Variants in HS6ST3 observed in about 807,000 individuals in gnomAD.
The protein encoded by HS6ST3 is heparan-sulfate 6-O-sulfotransferase 3.
A neutral mutation model predicts 36.7 loss-of-function variants in HS6ST3; 12 were observed. The ratio of observed to expected loss-of-function variants is 0.33; its 90% confidence interval spans 0.21 to 0.53. The LOEUF is 0.53. Among genes scored for constraint, HS6ST3 ranks in the 20% least tolerant of loss-of-function variants. HS6ST3 has a pLI of 0.95. For synonymous variants in HS6ST3, 240 were observed against 257.5 expected (o/e 0.93, Z 0.65); for missense variants, 584 against 640.9 (o/e 0.91, Z 0.96).
chr13:96,236,282 G>T (rs977461708), intron 1 of HS6ST3, among the ~76,000 whole-genome samples: 2 of 152,054 alleles, frequency 1.3e-5, no homozygotes, highest in Non-Finnish European at 2.9e-5. Context: ...AGCAACACCC[G>T]CACAGACGCA....
intron 1 of HS6ST3, among the ~76,000 whole-genome samples, chr13:96,338,566 C>G (rs1165267120): frequency 6.6e-6 from 1 of 152,186 alleles, no homozygotes; most frequent in Non-Finnish European, 1.5e-5. Context: ...ACAGACATTA[C>G]CAATATCTGT....
At chr13:96,318,611 C>T (rs560465104) in intron 1 of HS6ST3, among the ~76,000 whole-genome samples, 1 of 152,236 alleles carries the variant, frequency 6.6e-6, no homozygotes, top group East Asian at 1.9e-4. Flanking sequence ...CTGTATATGA[C>T]TAGCCAGCTA....
chr13:96,238,390 A>G (rs769783678), intron 1 of HS6ST3, among the ~76,000 whole-genome samples: 1 of 152,122 alleles, frequency 6.6e-6, no homozygotes, highest in Non-Finnish European at 1.5e-5. Context: ...TTCTTTTTTG[A>G]AGGCAAATCC....
intron 1 of HS6ST3, among the ~76,000 whole-genome samples, chr13:96,166,686 A>G (rs2054162165): frequency 6.7e-6 from 1 of 148,750 alleles, no homozygotes; most frequent in Admixed American, 6.8e-5. Context: ...TGCTGGGATT[A>G]TAGGCGTGAG....
chr13:96,714,678 T>C (rs1875647343), intron 1 of HS6ST3, among the ~76,000 whole-genome samples: 1 of 152,174 alleles, frequency 6.6e-6, no homozygotes. Flanking sequence ...TGTATATTGA[T>C]ACATAAGTAG....
At chr13:96,118,659 TATATATATATATATATATATATATA>T (rs2053906217) in intron 1 of HS6ST3, among the ~76,000 whole-genome samples, 1 of 3,388 alleles carries the variant, frequency 3.0e-4, no homozygotes, top group East Asian at 0.01. Context: ...TATATATATA[TATATATATATATATATATATATATA>T]TATATTTTTT....
At chr13:96,353,850 T>G (rs1188739233) in intron 1 of HS6ST3, among the ~76,000 whole-genome samples, 3 of 152,194 alleles carry the variant, frequency 2.0e-5, no homozygotes, top group African/African-American at 7.2e-5. Context: ...GTACTCAGCT[T>G]CGCATTTAAA....
chr13:96,364,785 A>C (rs2055255383), intron 1 of HS6ST3, among the ~76,000 whole-genome samples: 1 of 152,212 alleles, frequency 6.6e-6, no homozygotes, highest in African/African-American at 2.4e-5. Flanking sequence ...GTTTTACCAC[A>C]ATAAAAATAT....
At chr13:96,243,764 C>G (rs1172155894) in intron 1 of HS6ST3, among the ~76,000 whole-genome samples, 1 of 151,562 alleles carries the variant, frequency 6.6e-6, no homozygotes, top group East Asian at 1.9e-4. Flanking sequence ...TTAAATTTTC[C>G]CTGGGGTGCT....
At chr13:96,663,673 A>G (rs1358270265) in intron 1 of HS6ST3, among the ~76,000 whole-genome samples, 1 of 152,204 alleles carries the variant, frequency 6.6e-6, no homozygotes, top group Non-Finnish European at 1.5e-5. Context: ...GAATAGAAAT[A>G]TATGTTTGCA....
At chr13:96,325,586 T>C (rs979623275) in intron 1 of HS6ST3, among the ~76,000 whole-genome samples, 2 of 152,120 alleles carry the variant, frequency 1.3e-5, no homozygotes, top group Admixed American at 1.3e-4. Flanking sequence ...TGTGTGTAGA[T>C]TATATGCAAA....
chr13:96,613,774 G>T (rs1190974631), intron 1 of HS6ST3, among the ~76,000 whole-genome samples: 2 of 152,076 alleles, frequency 1.3e-5, no homozygotes, highest in Non-Finnish European at 2.9e-5. Context: ...CTTTCTTATG[G>T]TCATGGGCTG....
rs148835786 is a variant in HS6ST3, at chr13:96,245,985, G to T, written c.707+154416G>T. 1.1e-3 allele frequency among the ~76,000 whole-genome samples: 164 copies of T among 152,140 alleles called. 3 individuals carry two copies. Among genetic ancestry groups the T allele is most frequent in the Admixed American group, 7.3e-3 (112 of 15,280 alleles). ...TATTTTCTGCAAGTGTAAACAAACCGAATAGAGTTTTGGAAATGTTAAAAA... is the reference window on the plus strand; with the variant it reads ...TATTTTCTGCAAGTGTAAACAAACCTAATAGAGTTTTGGAAATGTTAAAAA... On this transcript the variant is annotated intron_variant, in intron 1 of 1. Coordinates refer to ENST00000376705, the MANE Select transcript of HS6ST3 (RefSeq NM_153456.4).
intron 1 of HS6ST3, among the ~76,000 whole-genome samples, chr13:96,115,705 T>A (rs776998106): frequency 6.6e-6 from 1 of 152,230 alleles, no homozygotes; most frequent in Non-Finnish European, 1.5e-5. Context: ...GCAGTGAACA[T>A]ACACATGCAA....
intron 1 of HS6ST3, among the ~76,000 whole-genome samples, chr13:96,796,470 T>A (rs1324877444): frequency 6.6e-6 from 1 of 152,122 alleles, no homozygotes; most frequent in Non-Finnish European, 1.5e-5. Context: ...CTGTTCAACT[T>A]AATGAAGTTT....
chr13:96,826,313 TA>T (rs1408039546), intron 1 of HS6ST3, among the ~76,000 whole-genome samples: 1 of 152,202 alleles, frequency 6.6e-6, no homozygotes, highest in African/African-American at 2.4e-5. Flanking sequence ...GGTATCAGTT[TA>T]GTTTTAGGAG....
chr13:96,394,689 G>A (rs1163340426), intron 1 of HS6ST3, among the ~76,000 whole-genome samples: 1 of 152,152 alleles, frequency 6.6e-6, no homozygotes, highest in Non-Finnish European at 1.5e-5. Context: ...TTGCAATAAA[G>A]AGCTTAGAAT....
chr13:96,641,391 G>A (rs2056569655), intron 1 of HS6ST3, among the ~76,000 whole-genome samples: 1 of 151,590 alleles, frequency 6.6e-6, no homozygotes, highest in South Asian at 2.1e-4. Flanking sequence ...TTATACTGGA[G>A]TTATTTATCA....
chr13:96,470,249 A>G (rs1274955832), intron 1 of HS6ST3, among the ~76,000 whole-genome samples: 1 of 152,192 alleles, frequency 6.6e-6, no homozygotes, highest in Non-Finnish European at 1.5e-5. Context: ...TTGGTGAGGC[A>G]CTGGGGATGA....
Sources: gnomAD v4.1 joint callset for allele counts (sites outside exome capture counted in the v4.1 genomes callset) on GRCh38, gnomAD v4.1.1 for gene constraint, MANE v1.5 for transcripts, NCBI Gene and HGNC (gene_info 2026-07-23, HGNC 2026-07-21) for gene names.